CENPK: variants seen among roughly 807,000 people sequenced by gnomAD.
CENPK encodes the protein SoxLZ/Sox6-binding protein Solt.
Under a neutral mutation model 40.9 loss-of-function variants are expected in CENPK, and 46 were observed. The observed-to-expected ratio is 1.13, with a 90% confidence interval of 0.89 to 1.44. The LOEUF is 1.44. CENPK is among the 40% of genes most tolerant of loss of function. The pLI, the probability that CENPK is intolerant of heterozygous loss-of-function variation, is 0.00. For missense variants in CENPK, 288 were observed against 303.5 expected (o/e 0.95, Z 0.38); for synonymous variants, 107 against 104.4 (o/e 1.02, Z -0.15).
At chr5:65,520,711 AGTTCATT>A (rs1234246280) in intron 10 of CENPK, among the ~76,000 whole-genome samples, 2 of 152,208 alleles carry the variant, frequency 1.3e-5, no homozygotes, top group Non-Finnish European at 2.9e-5. Flanking sequence ...TTTAACACCT[AGTTCATT>A]AAGTTAAATG....
intron 3 of CENPK, among the ~76,000 whole-genome samples, chr5:65,553,056 G>C (rs1750373108): frequency 1.3e-5 from 2 of 151,854 alleles, no homozygotes; most frequent in Non-Finnish European, 2.9e-5. Flanking sequence ...CAAATTTTAA[G>C]TCATTTTAAA....
intron 5 of CENPK, among the ~76,000 whole-genome samples, chr5:65,545,652 A>C (rs1314200808): frequency 6.6e-6 from 1 of 152,218 alleles, no homozygotes; most frequent in African/African-American, 2.4e-5. Context: ...TTAGAAGATC[A>C]GGAAGGAAGA....
chr5:65,496,818 C>A, the CENPK span, among the ~76,000 whole-genome samples: 1 of 151,846 alleles, frequency 6.6e-6, no homozygotes, highest in South Asian at 2.1e-4. Context: ...CTTTGGGACG[C>A]CGAGGTAGGT....
chr5:65,500,860 C>T, the CENPK span, among the ~76,000 whole-genome samples: 15 of 151,858 alleles, frequency 9.9e-5, no homozygotes, highest in East Asian at 3.9e-4. Flanking sequence ...TCAGTAGAGA[C>T]GGGGTTACAC....
the CENPK span, among the ~76,000 whole-genome samples, chr5:65,500,519 T>C: frequency 6.6e-6 from 1 of 151,924 alleles, no homozygotes; most frequent in African/African-American, 2.4e-5. Flanking sequence ...TGGGGTTGTT[T>C]GTTTTTTTCT....
rs543196091 is a variant in CENPK, at chr5:65,556,565, T to C, written c.-39-1619A>G. 1.1e-4 allele frequency among the ~76,000 whole-genome samples: 16 copies of C among 152,312 alleles called. No individual in the cohort carries two copies. In the East Asian group the frequency reaches 1.5e-3, roughly 15 times the overall value. ...AGCTGTTTTTATGAAAGAGTTGATA[T>C]GTTAAAAAATTAAAAAGATAAAGCA... On this transcript the variant is annotated intron_variant, in intron 2 of 10. Transcript: ENST00000396679.
rs1180206825 is a variant in CENPK at position 65,529,194 on chromosome 5, T to C, written c.294A>G (p.Gln98=). ...VLITLGKEEF[Q]KLRQDLEMVL... Reference sequence around the variant, plus strand: ...CCATTTCAAGATCTTGTCTCAGCTTTTGGAACTAGAATAAAATAATTCAAA... The same window carrying C: ...CCATTTCAAGATCTTGTCTCAGCTTCTGGAACTAGAATAAAATAATTCAAA... The change falls in exon 7 of 11, where the codon CAA becomes CAG. Residue 98 remains glutamine (Q), a synonymous_variant. Transcript: ENST00000396679. The C allele has an allele frequency of 6.3e-7, 1 of 1,598,104 alleles. No individual in the cohort carries two copies. The highest frequency in any genetic ancestry group is 1.1e-5 in the South Asian group (1 of 89,352).
the CENPK span, among the ~76,000 whole-genome samples, chr5:65,510,454 T>A: frequency 6.6e-6 from 1 of 152,112 alleles, no homozygotes; most frequent in East Asian, 1.9e-4. Context: ...AAGAGGTGAT[T>A]GGGTCACGAG....
intron 5 of CENPK, among the ~76,000 whole-genome samples, chr5:65,548,064 C>G (rs6880070): frequency 6.6e-6 from 1 of 152,156 alleles, no homozygotes. Flanking sequence ...GAAAACAGAG[C>G]GGGAGAAGAA....
intron 6 of CENPK, among the ~76,000 whole-genome samples, chr5:65,530,964 A>C (rs1415142083): frequency 1.3e-5 from 2 of 152,204 alleles, no homozygotes; most frequent in Non-Finnish European, 2.9e-5. Flanking sequence ...GTGGGAAAAG[A>C]AGAAAACAGG....
chr5:65,501,037 C>T, the CENPK span, among the ~76,000 whole-genome samples: 2 of 151,958 alleles, frequency 1.3e-5, no homozygotes, highest in Non-Finnish European at 2.9e-5. Flanking sequence ...GCTATTGAGC[C>T]CATCACTGAA....
chr5:65,535,968 C>G (rs13162857), intron 6 of CENPK, among the ~76,000 whole-genome samples: 61,858 of 151,984 alleles, frequency 0.41, 12,946 homozygotes, highest in East Asian at 0.65. Context: ...AAAACAACAG[C>G]TGCACTGCGA....
intron 6 of CENPK, among the ~76,000 whole-genome samples, chr5:65,542,047 A>G (rs1348615606): frequency 6.6e-6 from 1 of 152,142 alleles, no homozygotes; most frequent in East Asian, 1.9e-4. Context: ...TGGTCTCTTC[A>G]GACGTTTATA....
chr5:65,542,602 A>T (rs997381208), intron 6 of CENPK, among the ~76,000 whole-genome samples, 200 bp downstream of exon 6: 1 of 152,108 alleles, frequency 6.6e-6, no homozygotes, highest in African/African-American at 2.4e-5. Context: ...GTGCCACTGC[A>T]TTCCAGACTG....
the CENPK span, among the ~76,000 whole-genome samples, chr5:65,508,354 T>C: frequency 1.3e-5 from 2 of 152,256 alleles, no homozygotes; most frequent in African/African-American, 4.8e-5. Flanking sequence ...ATTCATTCTC[T>C]CCCATTTGAT....
chr5:65,534,285 T>C (rs553516506), intron 6 of CENPK, among the ~76,000 whole-genome samples: 1 of 152,238 alleles, frequency 6.6e-6, no homozygotes, highest in African/African-American at 2.4e-5. Context: ...ACTAAGTATG[T>C]TAAAGATAGC....
intron 10 of CENPK, among the ~76,000 whole-genome samples, chr5:65,519,411 C>T (rs1029309441): frequency 2.6e-5 from 4 of 152,272 alleles, no homozygotes; most frequent in Non-Finnish European, 2.9e-5. Context: ...TGGAAAAACG[C>T]TAAATGTAGA....
intron 1 of CENPK, among the ~76,000 whole-genome samples, chr5:65,562,317 G>C (rs1465038054): frequency 6.6e-6 from 1 of 152,166 alleles, no homozygotes; most frequent in African/African-American, 2.4e-5. Context: ...AGACACAAAA[G>C]AAAGTAGTCT....
At chr5:65,554,144 T>A (rs1031833281) in intron 3 of CENPK, among the ~76,000 whole-genome samples, 1 of 138,954 alleles carries the variant, frequency 7.2e-6, no homozygotes, top group Non-Finnish European at 1.6e-5. Flanking sequence ...CAGTAATTAT[T>A]TTTTTTTTTT....
Sources: allele counts gnomAD v4.1 joint callset (sites outside exome capture counted in the v4.1 genomes callset), GRCh38; gene constraint gnomAD v4.1.1; transcripts MANE v1.5; gene names NCBI Gene and HGNC (gene_info 2026-07-23, HGNC 2026-07-21).